NEO1: variants seen among roughly 807,000 people sequenced by gnomAD.
NEO1 encodes the protein neogenin 1.
In NEO1, 63 loss-of-function variants were observed where a neutral mutation model predicts 159.7. That is an observed-to-expected ratio of 0.39 (90% confidence interval 0.32 to 0.49). The LOEUF (loss-of-function observed/expected upper bound fraction) is 0.49, where lower values mean the gene tolerates loss of function less well. Among genes scored for constraint, NEO1 ranks in the 20% least tolerant of loss-of-function variants. The probability of loss-of-function intolerance (pLI) is 0.85; values close to 1 mark genes in which losing one functional copy is unlikely to be tolerated. For missense variants in NEO1, 1,615 were observed against 1,831.0 expected, an observed-to-expected ratio of 0.88 and a Z score of 2.15; for synonymous variants, 633 against 662.0, an observed-to-expected ratio of 0.96 and a Z score of 0.67.
At chr15:73,081,881 T>C (rs2069070246) in intron 1 of NEO1, among the ~76,000 whole-genome samples, 1 of 150,910 alleles carries the variant, frequency 6.6e-6, no homozygotes, top group Non-Finnish European at 1.5e-5. Context: ...TTTTTTTTTT[T>C]TTTGAGATGG....
intron 14 of NEO1, 22 bp downstream of exon 14, chr15:73,258,898 A>C: frequency 6.3e-7 from 1 of 1,589,088 alleles, no homozygotes. Flanking sequence ...AATTGGCAAG[A>C]CTGGAACACA....
intron 7 of NEO1, among the ~76,000 whole-genome samples, chr15:73,235,590 G>C (rs1191201476): frequency 1.3e-5 from 2 of 152,200 alleles, no homozygotes; most frequent in African/African-American, 4.8e-5. Flanking sequence ...GTAACAAACA[G>C]ATTAGCTACC....
At chr15:73,212,867 G>A (rs1334071400) in intron 7 of NEO1, among the ~76,000 whole-genome samples, 2 of 152,038 alleles carry the variant, frequency 1.3e-5, no homozygotes, top group Non-Finnish European at 2.9e-5. Context: ...TACTGTTATG[G>A]GAACCTCCTA....
chr15:73,213,535 C>T (rs559218469), intron 7 of NEO1, among the ~76,000 whole-genome samples: 1 of 152,258 alleles, frequency 6.6e-6, no homozygotes, highest in African/African-American at 2.4e-5. Context: ...TTTTCCATTC[C>T]TGAGTTACTT....
intron 8 of NEO1, among the ~76,000 whole-genome samples, chr15:73,244,077 C>CT (rs1474014868): frequency 6.6e-6 from 1 of 152,154 alleles, no homozygotes; most frequent in Non-Finnish European, 1.5e-5. Context: ...GAGAAGAGCC[C>CT]TGTGTCTTCT....
chr15:73,198,018 A>G (rs1031593572), intron 7 of NEO1, among the ~76,000 whole-genome samples: 6 of 152,066 alleles, frequency 3.9e-5, no homozygotes, highest in Non-Finnish European at 8.8e-5. Flanking sequence ...TATATTTTCT[A>G]TTCTTTCATT....
intron 15 of NEO1, among the ~76,000 whole-genome samples, chr15:73,265,132 G>A (rs1388549279): frequency 6.6e-6 from 1 of 152,146 alleles, no homozygotes; most frequent in Non-Finnish European, 1.5e-5. Flanking sequence ...CTGATAAGTG[G>A]CCGGTAATGA....
intron 1 of NEO1, among the ~76,000 whole-genome samples, chr15:73,065,699 C>G (rs909657301): frequency 2.6e-5 from 4 of 152,148 alleles, no homozygotes; most frequent in Admixed American, 6.5e-5. Flanking sequence ...TTGTATTTAT[C>G]CCGCTTATTG....
At chr15:73,131,591 C>G (rs922609159) in intron 4 of NEO1, among the ~76,000 whole-genome samples, 4 of 152,324 alleles carry the variant, frequency 2.6e-5, no homozygotes, top group African/African-American at 9.6e-5. Flanking sequence ...TTCTAAGTTA[C>G]AGTCGGTGCA....
intron 26 of NEO1, among the ~76,000 whole-genome samples, chr15:73,295,253 GC>G (rs1284842509): frequency 6.6e-6 from 1 of 151,456 alleles, no homozygotes; most frequent in Non-Finnish European, 1.5e-5. Context: ...TGCATGGAGA[GC>G]CAAAGTCTGC....
intron 2 of NEO1, 142 bp from the exon 3 acceptor site, chr15:73,122,383 G>A (rs2151654521): frequency 1.0e-5 from 7 of 697,364 alleles, no homozygotes; most frequent in Middle Eastern, 4.1e-4. Context: ...CCTGTATTTA[G>A]CTAATTTCCA....
chr15:73,115,330 C>T (rs758748395), intron 1 of NEO1, among the ~76,000 whole-genome samples: 3 of 152,134 alleles, frequency 2.0e-5, no homozygotes, highest in East Asian at 1.9e-4. Context: ...CGTGAGCCAC[C>T]GTGCCCAGCC....
At chr15:73,170,000 C>T (rs1031846996) in intron 5 of NEO1, among the ~76,000 whole-genome samples, 2 of 151,816 alleles carry the variant, frequency 1.3e-5, no homozygotes, top group Non-Finnish European at 2.9e-5. Context: ...TGTACCTTGT[C>T]TTTATAGATT....
chr15:73,276,263 T>C (rs1231433690), intron 21 of NEO1, among the ~76,000 whole-genome samples: 6 of 152,318 alleles, frequency 3.9e-5, no homozygotes, highest in Admixed American at 3.9e-4. Context: ...AGAGAAACAA[T>C]GTTGGGAAAT....
intron 1 of NEO1, among the ~76,000 whole-genome samples, chr15:73,058,898 T>C (rs776388834): frequency 6.6e-6 from 1 of 152,224 alleles, no homozygotes; most frequent in African/African-American, 2.4e-5. Context: ...ACTGGTCATT[T>C]CTGGTTTTCA....
chr15:73,244,235 G>A (rs924937088), intron 8 of NEO1, 109 bp from the exon 9 acceptor site: 2 of 1,257,156 alleles, frequency 1.6e-6, no homozygotes, highest in African/African-American at 1.5e-5. Context: ...TTGTTTGAGA[G>A]CTAATTTGAC....
At chr15:73,244,219 G>C (rs2039635464) in intron 8 of NEO1, 125 bp from the exon 9 acceptor site, 2 of 1,083,740 alleles carry the variant, frequency 1.8e-6, no homozygotes, top group South Asian at 1.7e-5. Flanking sequence ...ACCCCCAAAA[G>C]CTTCATTGTT....
chr15:73,096,418 T>C (rs1167461240), intron 1 of NEO1, among the ~76,000 whole-genome samples: 1 of 152,128 alleles, frequency 6.6e-6, no homozygotes, highest in Admixed American at 6.6e-5. Context: ...ACCAGTACAA[T>C]GTTGAAGACA....
intron 7 of NEO1, among the ~76,000 whole-genome samples, chr15:73,210,520 G>A (rs1455872286): frequency 6.6e-6 from 1 of 152,218 alleles, no homozygotes; most frequent in Non-Finnish European, 1.5e-5. Context: ...GGCTTATCTT[G>A]TGAAACTGAG....
Sources: allele counts gnomAD v4.1 joint callset (sites outside exome capture counted in the v4.1 genomes callset), GRCh38; gene constraint gnomAD v4.1.1; transcripts MANE v1.5; gene names NCBI Gene and HGNC (gene_info 2026-07-23, HGNC 2026-07-21).